Variants in TLE4 observed in about 807,000 individuals in gnomAD.
TLE4 encodes transducin-like enhancer protein 4.
A neutral mutation model predicts 92.8 loss-of-function variants in TLE4; 8 were observed. The observed-to-expected ratio is 0.09, with a 90% CI of 0.05 to 0.16. The LOEUF is 0.16. Ranked by LOEUF, TLE4 falls within the 10% of genes least tolerant of loss-of-function variation. TLE4 has a pLI of 1.00. For missense variants in TLE4, 675 were observed against 997.6 expected, an observed-to-expected ratio of 0.68 and a Z score of 4.36; for synonymous variants, 371 against 374.1, an observed-to-expected ratio of 0.99 and a Z score of 0.10.
intron 8 of TLE4, among the ~76,000 whole-genome samples, chr9:79,691,617 G>A (rs892369168): frequency 1.3e-5 from 2 of 152,002 alleles, no homozygotes; most frequent in Non-Finnish European, 2.9e-5. Flanking sequence ...CTCCACGTCA[G>A]CACCCAGTCC....
intron 8 of TLE4, among the ~76,000 whole-genome samples, chr9:79,699,988 A>G (rs1315846657): frequency 2.0e-5 from 3 of 151,818 alleles, no homozygotes; most frequent in African/African-American, 7.3e-5. Flanking sequence ...AAGGTTTAAA[A>G]TAGAAGATCC....
rs113329172 is a variant in TLE4 at position 79,661,419 on chromosome 9, G to A, written c.609+7344G>A. On this transcript the variant is annotated intron_variant, in intron 8 of 19. Coordinates refer to ENST00000376552, the MANE Select transcript of TLE4 (RefSeq NM_007005.6). Reference sequence around the variant, plus strand: ...TCTTCTGGGTTAAAAGACTTTCTACGCGTAGGACCCACCACTTTAATAAGG... The same window carrying A: ...TCTTCTGGGTTAAAAGACTTTCTACACGTAGGACCCACCACTTTAATAAGG... Among the ~76,000 whole-genome samples the A allele has an allele frequency of 3.0e-3, 459 of 152,218 alleles. 4 individuals are homozygous for A. The highest frequency in any genetic ancestry group is 0.01 in the African/African-American group (418 of 41,534).
chr9:79,660,432 G>A (rs1041364919), intron 8 of TLE4, among the ~76,000 whole-genome samples: 14 of 152,174 alleles, frequency 9.2e-5, no homozygotes, highest in African/African-American at 1.2e-4. Flanking sequence ...TGAGGGGTTC[G>A]GTGGTAGGGT....
intron 14 of TLE4, 84 bp from the exon 15 acceptor site, chr9:79,718,638 T>G: frequency 6.8e-7 from 1 of 1,478,806 alleles, no homozygotes; most frequent in South Asian, 1.4e-5. Context: ...CTGAAGGTGT[T>G]TTATTTCTCA....
At chr9:79,613,790 C>A (rs980174969) in intron 5 of TLE4, among the ~76,000 whole-genome samples, 3 of 152,054 alleles carry the variant, frequency 2.0e-5, no homozygotes, top group African/African-American at 7.2e-5. Flanking sequence ...ATGCAGATTG[C>A]TGTATATGAT....
At chr9:79,663,647 A>G (rs1347810412) in intron 8 of TLE4, 1 of 152,136 alleles carries the variant, frequency 6.6e-6, no homozygotes, top group Non-Finnish European at 1.5e-5. Context: ...GGTTAGCTGC[A>G]CTAATATAGT....
rs530254583 is a variant in TLE4, at chr9:79,593,458, C to G, written c.252+17281C>G. Among the ~76,000 whole-genome samples the G allele has an allele frequency of 4.8e-4, 73 of 152,196 alleles. 1 individual carries two copies. The highest frequency in any genetic ancestry group is 1.6e-3 in the Admixed American group (24 of 15,282). On this transcript the variant is annotated intron_variant, in intron 4 of 19. Transcript: ENST00000376552. ...TGGCAAAAGTTTCTTTCTTGGTGTG[C>G]TAATTATCAGTTCTACACTCTTGGA...
In TLE4 at chr9:79,707,915, T is replaced by C. The variant is rs189487295; in HGVS notation, c.937-203T>C. 1.7e-4 allele frequency among the ~76,000 whole-genome samples: 26 copies of C among 152,348 alleles called. No individual in the cohort carries two copies. The East Asian group carries it at 3.7e-3, about 21-fold the overall frequency. On this transcript the variant is annotated intron_variant, in intron 11 of 19. Coordinates refer to ENST00000376552, the MANE Select transcript of TLE4 (RefSeq NM_007005.6). Reference sequence around the variant, plus strand: ...CTCTCCTCTAAATTCAGCTTCAGTTTATGTCTTCCCAAATATTAGGTCTGC... The same window carrying C: ...CTCTCCTCTAAATTCAGCTTCAGTTCATGTCTTCCCAAATATTAGGTCTGC...
intron 16 of TLE4, 89 bp downstream of exon 16, chr9:79,720,382 GTGTGTGTGTGTGTGT>G (rs1565205336): frequency 6.5e-4 from 52 of 80,240 alleles, no homozygotes; most frequent in African/African-American, 4.8e-3. Flanking sequence ...GTATGGGTGT[GTGTGTGTGTGTGTGT>G]GTGTGTGTGT....
intron 14 of TLE4, among the ~76,000 whole-genome samples, chr9:79,715,710 G>A (rs540770506): frequency 6.6e-6 from 1 of 152,178 alleles, no homozygotes; most frequent in East Asian, 1.9e-4. Flanking sequence ...ACTACCCAGA[G>A]GCTGCCATAA....
chr9:79,600,338 A>G (rs910243937), intron 4 of TLE4, among the ~76,000 whole-genome samples: 3 of 152,012 alleles, frequency 2.0e-5, no homozygotes, highest in African/African-American at 7.3e-5. Context: ...GATTATAGAG[A>G]GTTTTCAGTT....
intron 13 of TLE4, 74 bp from the exon 14 acceptor site, chr9:79,709,549 T>C (rs1030928183): frequency 1.1e-5 from 15 of 1,324,498 alleles, no homozygotes; most frequent in East Asian, 2.3e-5. Flanking sequence ...GGTTTTAGAA[T>C]AGATTTTGAG....
chr9:79,679,230 T>G (rs1433866373), intron 8 of TLE4, among the ~76,000 whole-genome samples: 2 of 152,156 alleles, frequency 1.3e-5, no homozygotes, highest in Non-Finnish European at 2.9e-5. Flanking sequence ...TAGTTTACAG[T>G]CCCACCAATA....
intron 8 of TLE4, among the ~76,000 whole-genome samples, chr9:79,659,972 A>G (rs2060297803): frequency 1.3e-5 from 2 of 152,182 alleles, no homozygotes; most frequent in African/African-American, 4.8e-5. Flanking sequence ...TACTCCCTTG[A>G]TTATTGGTAA....
intron 5 of TLE4, among the ~76,000 whole-genome samples, chr9:79,625,565 T>C (rs1409774127): frequency 3.4e-5 from 5 of 147,966 alleles, no homozygotes; most frequent in Non-Finnish European, 7.5e-5. Flanking sequence ...TCTATCCTAC[T>C]TTTTTTTTTG....
chr9:79,596,188 C>A (rs1313008306), intron 4 of TLE4, among the ~76,000 whole-genome samples: 1 of 152,086 alleles, frequency 6.6e-6, no homozygotes, highest in African/African-American at 2.4e-5. Context: ...CTCTGTAAGT[C>A]ACAAAGAATT....
chr9:79,583,038 A>G (rs2040117174), intron 4 of TLE4, among the ~76,000 whole-genome samples: 1 of 152,208 alleles, frequency 6.6e-6, no homozygotes, highest in Non-Finnish European at 1.5e-5. Context: ...AGTCAGAAGC[A>G]AGAGTTAGAG....
intron 5 of TLE4, among the ~76,000 whole-genome samples, chr9:79,625,230 G>A (rs1312075591): frequency 2.0e-5 from 3 of 150,984 alleles, no homozygotes; most frequent in African/African-American, 4.9e-5. Flanking sequence ...CGTTTTAGCC[G>A]GGATGGTCTC....
intron 8 of TLE4, among the ~76,000 whole-genome samples, chr9:79,694,509 T>C (rs2067785436): frequency 1.3e-5 from 2 of 152,314 alleles, no homozygotes; most frequent in South Asian, 4.1e-4. Context: ...ATCGTTTCTG[T>C]AGAATGAACT....
Sources: allele counts gnomAD v4.1 joint callset (sites outside exome capture counted in the v4.1 genomes callset), GRCh38; gene constraint gnomAD v4.1.1; transcripts MANE v1.5; gene names NCBI Gene and HGNC (gene_info 2026-07-23, HGNC 2026-07-21).